ADGRF5: variants seen among roughly 807,000 people sequenced by gnomAD.
ADGRF5 encodes the protein adhesion G protein-coupled receptor F5.
Under a neutral mutation model 132.3 loss-of-function variants are expected in ADGRF5, and 75 were observed. That is an observed-to-expected ratio of 0.57 (90% CI 0.47 to 0.69). ADGRF5 has a LOEUF of 0.69. Ranked by LOEUF, ADGRF5 falls within the 30% of genes least tolerant of loss-of-function variation. The pLI, the probability that ADGRF5 is intolerant of heterozygous loss-of-function variation, is 0.00. For synonymous variants in ADGRF5, 629 were observed against 597.6 expected (o/e 1.05, Z -0.77); for missense variants, 1,516 against 1,630.6 (o/e 0.93, Z 1.21).
intron 8 of ADGRF5, among the ~76,000 whole-genome samples, chr6:46,880,605 G>A (rs1410123772): frequency 6.6e-6 from 1 of 152,152 alleles, no homozygotes; most frequent in Non-Finnish European, 1.5e-5. Flanking sequence ...TTTGAATCCT[G>A]GTTCTGTCCC....
chr6:46,865,749 TA>T (rs1303610231), intron 13 of ADGRF5, among the ~76,000 whole-genome samples: 2 of 152,262 alleles, frequency 1.3e-5, no homozygotes, highest in African/African-American at 4.8e-5. Flanking sequence ...CTTTAAAGAC[TA>T]CAGTGTTTAT....
intron 1 of ADGRF5, among the ~76,000 whole-genome samples, chr6:46,948,475 AGTGT>A (rs3030417): frequency 0.12 from 17,155 of 143,152 alleles, 929 homozygotes; most frequent in East Asian, 0.21. Context: ...TGCTCTAGTG[AGTGT>A]GTGTGTGTGT....
At chr6:46,861,552 A>T (rs1769749457) in intron 15 of ADGRF5, among the ~76,000 whole-genome samples, 1 of 152,184 alleles carries the variant, frequency 6.6e-6, no homozygotes, top group Non-Finnish European at 1.5e-5. Flanking sequence ...TATTGGTTTT[A>T]TATAACATAC....
In ADGRF5 at chr6:46,914,076, T is replaced by C. The variant is rs1418960341; in HGVS notation, c.-24-7290A>G. On this transcript the variant is annotated intron_variant, in intron 1 of 20. Transcript: ENST00000283296. ...AATAGATGAGCACATACAAGCATTC[T>C]ACTACTAAAGAATAGAGTTACTTTT... 3.3e-5 allele frequency among the ~76,000 whole-genome samples: 5 copies of C among 152,204 alleles called. No homozygotes were observed. The East Asian group carries it at 7.7e-4, about 23-fold the overall frequency.
rs1205649436 is a variant in ADGRF5 at position 46,856,881 on chromosome 6, G to C, written c.3802C>G (p.Leu1268Val). 1 of 1,609,720 alleles carries C rather than the reference G, an allele frequency of 6.2e-7. No individual in the cohort carries two copies. The highest frequency in any genetic ancestry group is 8.5e-7 in the Non-Finnish European group (1 of 1,177,964). ...ATTGCTCTTACCTTCAGATCCCAGA[G>C]GCATCCAAAGAGTAAAATGAATAAT... ...QGLFILLFGC[L>V]WDLKVQEALL... is the part of the protein sequence containing the mutation. Residue 1268 changes from leucine (L) to valine (V), a missense_variant, in exon 18 of 21, where the codon CTC (leucine) becomes GTC (valine). This residue lies in a region of ADGRF5 where 571 missense variants were observed against 701.2 expected (regional missense o/e 0.81). Coordinates refer to ENST00000283296, the MANE Select transcript of ADGRF5 (RefSeq NM_001098518.2).
Position 46,942,743 on chromosome 6 carries a change from C to A in ADGRF5, c.-25+11991G>T, listed in dbSNP as rs12175552. Among the ~76,000 whole-genome samples the A allele has an allele frequency of 0.013, 2,016 of 152,240 alleles. 70 individuals are homozygous for A. In the South Asian group the frequency reaches 0.13, roughly 10 times the overall value. ...CATCCTCTTTCTTTCTCTAAATATG[C>A]CTATTTTATCTCTAGACTGCTAATA... On this transcript the variant is annotated intron_variant, in intron 1 of 20. Coordinates refer to the ADGRF5 transcript ENST00000265417.
In ADGRF5 at chr6:46,858,576, G is replaced by T. The variant is rs1769331086; in HGVS notation, c.3327C>A (p.Leu1109=). The T allele has an allele frequency of 6.2e-7, 1 of 1,614,052 alleles. No individual in the cohort carries two copies. Among genetic ancestry groups the T allele is most frequent in the African/African-American group, 1.3e-5 (1 of 75,026 alleles). Residue 1109 remains leucine (L), a synonymous_variant, in exon 17 of 21, where the codon CTC becomes CTA. Transcript: ENST00000283296. ...SVFFWMLTLG[L]MLFYRLVFIL... is the part of the protein sequence containing the mutation. ...TGAAAACCAGGCGATAGAACAGCATGAGGCCCAGTGTCAGCATCCAGAAGA... is the reference window on the plus strand; with the variant it reads ...TGAAAACCAGGCGATAGAACAGCATTAGGCCCAGTGTCAGCATCCAGAAGA...
chr6:46,901,113 C>T (rs1774721968), intron 2 of ADGRF5, among the ~76,000 whole-genome samples: 1 of 152,176 alleles, frequency 6.6e-6, no homozygotes, highest in African/African-American at 2.4e-5. Flanking sequence ...CATGCTGCAC[C>T]TGCCACCTGG....
chr6:46,889,873 T>A (rs1773471868), intron 3 of ADGRF5, among the ~76,000 whole-genome samples: 1 of 151,652 alleles, frequency 6.6e-6, no homozygotes, highest in African/African-American at 2.4e-5. Context: ...GTTTCTTTCA[T>A]GTTTCTTTCA....
At chr6:46,855,642 T>A (rs979127844) in intron 20 of ADGRF5, among the ~76,000 whole-genome samples, 2 of 152,212 alleles carry the variant, frequency 1.3e-5, no homozygotes, top group African/African-American at 4.8e-5. Flanking sequence ...CTAACATAAT[T>A]TGAGAAGAAC....
At chr6:46,954,819 G>A (rs1450889915) in exon 1 of ADGRF5, 1 of 152,146 alleles carries the variant, frequency 6.6e-6, no homozygotes, top group East Asian at 1.9e-4. Flanking sequence ...GGTGAACCTC[G>A]AGGGCATCCC....
chr6:46,865,625 A>G (rs1056819421), intron 13 of ADGRF5, among the ~76,000 whole-genome samples: 7 of 152,224 alleles, frequency 4.6e-5, no homozygotes, highest in African/African-American at 1.4e-4. Context: ...CCTGGTGCTC[A>G]GCTCAGTATC....
intron 10 of ADGRF5, among the ~76,000 whole-genome samples, chr6:46,873,195 C>T (rs1771282593): frequency 6.6e-6 from 1 of 152,114 alleles, no homozygotes; most frequent in African/African-American, 2.4e-5. Context: ...CCCCCAGATA[C>T]ACTCAAGTCT....
chr6:46,857,093 T>A (rs925193576), intron 17 of ADGRF5, among the ~76,000 whole-genome samples, 185 bp from the exon 18 acceptor site: 1 of 152,264 alleles, frequency 6.6e-6, no homozygotes, highest in Non-Finnish European at 1.5e-5. Flanking sequence ...GGACTCTAAA[T>A]GTTATGATGT....
chr6:46,867,350 G>C (rs1047787858), intron 12 of ADGRF5, among the ~76,000 whole-genome samples: 6 of 152,272 alleles, frequency 3.9e-5, no homozygotes, highest in African/African-American at 1.4e-4. Flanking sequence ...ACGTAAATAT[G>C]CACTTACTTT....
chr6:46,873,574 T>A (rs1054059010), intron 10 of ADGRF5, among the ~76,000 whole-genome samples: 1 of 152,082 alleles, frequency 6.6e-6, no homozygotes, highest in Non-Finnish European at 1.5e-5. Context: ...CATCCTCTTC[T>A]CAAAGATTGC....
intron 17 of ADGRF5, among the ~76,000 whole-genome samples, chr6:46,857,366 G>A (rs1581716308): frequency 6.6e-6 from 1 of 152,198 alleles, no homozygotes; most frequent in Non-Finnish European, 1.5e-5. Flanking sequence ...CCTGAAAGCA[G>A]TATCTCGAGT....
At chr6:46,890,803 T>C (rs1773576067) in intron 3 of ADGRF5, among the ~76,000 whole-genome samples, 1 of 152,228 alleles carries the variant, frequency 6.6e-6, no homozygotes, top group Admixed American at 6.5e-5. Context: ...AAGATGAAGT[T>C]TATTGTACCA....
rs191524234 is a variant in ADGRF5, at chr6:46,873,642, C to T, written c.1241-1629G>A. Among the ~76,000 whole-genome samples, 11 of 152,194 alleles carry T rather than the reference C, an allele frequency of 7.2e-5. No individual in the cohort carries two copies. In the East Asian group the frequency reaches 1.5e-3, roughly 21 times the overall value. ...CAGGCAATCTCATCTATACCTATGG[C>T]TTCTAGTATAGCTCAAATTTGGATG... On this transcript the variant is annotated intron_variant, in intron 10 of 20. Coordinates refer to ENST00000283296, the MANE Select transcript of ADGRF5 (RefSeq NM_001098518.2).
Sources: allele counts gnomAD v4.1 joint callset (sites outside exome capture counted in the v4.1 genomes callset), GRCh38; gene constraint gnomAD v4.1.1; regional missense constraint gnomAD v4.1.1; transcripts MANE v1.5; gene names NCBI Gene and HGNC (gene_info 2026-07-23, HGNC 2026-07-21).